SCARB1: variants seen among roughly 807,000 people sequenced by gnomAD.
SCARB1 encodes the protein scavenger receptor class B member 1, also known as CD36 and LIMPII analogous 1.
In SCARB1, 30 loss-of-function variants were observed where a neutral mutation model predicts 57.2. The observed-to-expected ratio is 0.52, with a 90% CI of 0.39 to 0.71. The LOEUF (loss-of-function observed/expected upper bound fraction) is 0.71, where lower values mean the gene tolerates loss of function less well. SCARB1 is among the 30% of genes least tolerant of loss of function. SCARB1 has a pLI of 0.00. For missense variants in SCARB1, 543 were observed against 671.2 expected (o/e 0.81, Z 2.11); for synonymous variants, 249 against 268.3 (o/e 0.93, Z 0.70).
At position 124,803,689 on chromosome 12, in the gene SCARB1, CAAAAAAAAAAAA is replaced by C. The variant is rs58564503; in HGVS notation, c.1010-3459_1010-3448del. 2.6e-3 allele frequency among the ~76,000 whole-genome samples: 126 copies of C among 47,702 alleles called. 1 individual carries two copies. The highest frequency in any genetic ancestry group is 5.6e-3 in the African/African-American group (118 of 21,072). The allele number at this position is 47,702 out of a possible 152,430, so 31.3% of individuals were successfully genotyped here. On this transcript the variant is annotated intron_variant, in intron 7 of 12. Transcript: ENST00000261693. ...GCAAGACGGCACAACCCCACCTCTA[CAAAAAAAAAAAA>C]AAAAAAAAAAAAAATTGAAATAAGA...
At chr12:124,856,805 G>A (rs538541503) in intron 1 of SCARB1, among the ~76,000 whole-genome samples, 66 of 152,340 alleles carry the variant, frequency 4.3e-4, no homozygotes, top group Non-Finnish European at 8.7e-4. Context: ...GGATGGGTGG[G>A]AGTCCAGCCC....
At chr12:124,831,167 C>T (rs1393331928) in intron 1 of SCARB1, among the ~76,000 whole-genome samples, 5 of 152,196 alleles carry the variant, frequency 3.3e-5, no homozygotes, top group African/African-American at 1.2e-4. Context: ...TAAGTAGAGA[C>T]GGGGTTTTGC....
chr12:124,840,456 G>A (rs748844646), intron 1 of SCARB1, among the ~76,000 whole-genome samples: 3 of 152,248 alleles, frequency 2.0e-5, no homozygotes, highest in Non-Finnish European at 2.9e-5. Flanking sequence ...GATTACAGGC[G>A]TGAGCCACCG....
chr12:124,815,629 G>T lies in SCARB1; in HGVS notation c.285-515C>A, dbSNP rs536512400. Among the ~76,000 whole-genome samples the T allele has an allele frequency of 7.2e-5, 11 of 152,316 alleles. No individual in the cohort carries two copies. The East Asian group carries it at 2.1e-3, about 29-fold the overall frequency. The stretch of plus-strand genomic sequence containing the variant: ...GCCTGTAAACCCAGCACTTTGGGAG[G>T]CTGAGGTGGGCAGATCACCTGATGT... On this transcript the variant is annotated intron_variant, in intron 2 of 12. Transcript: ENST00000261693.
intron 9 of SCARB1, among the ~76,000 whole-genome samples, chr12:124,792,721 C>CAAAAAAAAA (rs930596389): frequency 3.2e-5 from 1 of 31,720 alleles, no homozygotes; most frequent in Non-Finnish European, 7.1e-5. Flanking sequence ...GACTTCGTCT[C>CAAAAAAAAA]AAAAAAAAAA....
Position 124,800,239 on chromosome 12 carries a change from G to T in SCARB1, c.1013C>A (p.Ala338Asp). 6.2e-7 allele frequency: 1 copy of T among 1,610,234 alleles called. No homozygotes were observed. The change falls in exon 8 of 13, where the codon GCC becomes GAC. Residue 338 changes from alanine (A) to aspartate (D), a missense_variant. Ala to Asp is a moderately radical substitution (Grantham distance 126, BLOSUM62 -2). Transcript: ENST00000261693. The surrounding 1 kb of genome is among the most constrained non-coding windows in gnomAD (Gnocchi z 4.8). Reference protein sequence around the residue: ...IQNVSTCRFSAPLFLSHPHFL... With the variant: ...IQNVSTCRFSDPLFLSHPHFL... ...GTGAGGATGGGAGAGAAACAAGGGG[G>T]CACCTAGAAGAGGGGCAGGGAGGGG... is the stretch of plus-strand genomic sequence containing the variant.
At chr12:124,786,059 TTGA>T (rs1949501200) in intron 11 of SCARB1, 1 of 1,518,774 alleles carries the variant, frequency 6.6e-7, no homozygotes. Context: ...GGGTGCTGAC[TTGA>T]TGAATGGATG....
intron 1 of SCARB1, chr12:124,839,096 T>C: frequency 2.6e-6 from 1 of 386,758 alleles, no homozygotes; most frequent in South Asian, 1.9e-5. Flanking sequence ...TTTTTAAGTG[T>C]ACAGTTCAGT....
intron 1 of SCARB1, among the ~76,000 whole-genome samples, chr12:124,831,056 A>T (rs1594328786): frequency 6.6e-6 from 1 of 151,260 alleles, no homozygotes; most frequent in African/African-American, 2.4e-5. Flanking sequence ...GCTCACTGCA[A>T]CCTCTGCCTC....
chr12:124,816,498 G>A (rs530274640), intron 2 of SCARB1, among the ~76,000 whole-genome samples: 6 of 152,344 alleles, frequency 3.9e-5, no homozygotes, highest in Middle Eastern at 6.8e-3. Flanking sequence ...GAATGCAGCA[G>A]CTGATTCATG....
rs750434304 is a variant in SCARB1 at position 124,795,215 on chromosome 12, C to T, written c.1182G>A (p.Met394Ile). The change falls in exon 9 of 13, where the codon ATG (methionine) becomes ATA (isoleucine). Residue 394 changes from methionine to isoleucine, a missense_variant. By Grantham distance (10) the Met-to-Ile change is conservative. Transcript: ENST00000261693. The part of the protein sequence containing the change: ...CSVKLQLSLY[M>I]KSVAGIGQTG... ...CTCACCCAATGCCTGCGACAGATTT[C>T]ATGTAGAGGCTCAGCTGCAGTTTCA... is the stretch of plus-strand genomic sequence containing the variant. 1.9e-6 allele frequency: 3 copies of T among 1,613,966 alleles called. No homozygotes were observed. The highest frequency in any genetic ancestry group is 8.5e-7 in the Non-Finnish European group (1 of 1,179,876).
intron 7 of SCARB1, among the ~76,000 whole-genome samples, chr12:124,805,101 A>G (rs541913439): frequency 4.7e-4 from 72 of 152,260 alleles, no homozygotes; most frequent in African/African-American, 1.7e-3. Flanking sequence ...TCAGGGAGCA[A>G]TGAGCACCAA....
chr12:124,800,300 C>CAAT lies in SCARB1; in HGVS notation c.1010-59_1010-58insATT. 5 of 1,350,856 alleles carry CAAT rather than the reference C, an allele frequency of 3.7e-6. No homozygotes were observed. The highest frequency in any genetic ancestry group is 5.3e-6 in the Non-Finnish European group (5 of 947,402). The allele number at this position is 1,350,856 out of a possible 1,614,324, so 83.7% of individuals were successfully genotyped here. On this transcript the variant is annotated intron_variant, in intron 7 of 12. Transcript: ENST00000261693. This position sits in a 1 kb window ranked among gnomAD's most constrained non-coding sequence, Gnocchi z 4.8. ...AGGACAGTATATTGGCAGGTCCTGC[C>CAAT]AGGCCGGAGGTCTGCACAGAGCTGT... is the stretch of plus-strand genomic sequence containing the variant.
intron 1 of SCARB1, among the ~76,000 whole-genome samples, chr12:124,830,220 G>C (rs1951331738): frequency 6.6e-6 from 1 of 152,230 alleles, no homozygotes; most frequent in Non-Finnish European, 1.5e-5. Context: ...AGGATGTGGA[G>C]CAGCCAGAGT....
intron 7 of SCARB1, among the ~76,000 whole-genome samples, chr12:124,801,877 G>A (rs182762257): frequency 2.5e-3 from 364 of 147,836 alleles, no homozygotes; most frequent in African/African-American, 8.5e-3. Context: ...AGGGCCGGGC[G>A]CGGTGGCTCA....
chr12:124,825,791 CAGA>C (rs1951134450), intron 1 of SCARB1, among the ~76,000 whole-genome samples: 1 of 152,192 alleles, frequency 6.6e-6, no homozygotes, highest in Non-Finnish European at 1.5e-5. Context: ...AGAATCTTGA[CAGA>C]AGGACAAATA....
intron 7 of SCARB1, among the ~76,000 whole-genome samples, chr12:124,802,949 G>A (rs1331424618): frequency 6.6e-6 from 1 of 152,200 alleles, no homozygotes; most frequent in African/African-American, 2.4e-5. Context: ...CACGGTCACG[G>A]TCGAAAAACA....
chr12:124,799,256 G>A (rs777176514), intron 8 of SCARB1, among the ~76,000 whole-genome samples: 5 of 152,254 alleles, frequency 3.3e-5, no homozygotes, highest in East Asian at 1.9e-4. Flanking sequence ...TGGGCACGGC[G>A]GTTCATGCCT....
Position 124,800,926 on chromosome 12 carries a change from G to A in SCARB1, c.1010-684C>T, listed in dbSNP as rs1950108426. Among the ~76,000 whole-genome samples the A allele has an allele frequency of 6.6e-6, 1 of 152,168 alleles. No homozygotes were observed. ...CGGGCCTCTCTCAAAAGCTCACGAG[G>A]GCCAGGCGCCATGGCTTACACCTGT... On this transcript the variant is annotated intron_variant, in intron 7 of 12. Transcript: ENST00000261693. The surrounding 1 kb of genome is among the most constrained non-coding windows in gnomAD (Gnocchi z 4.8).
Sources: allele counts gnomAD v4.1 joint callset (sites outside exome capture counted in the v4.1 genomes callset), GRCh38; gene constraint gnomAD v4.1.1; non-coding constraint Gnocchi (gnomAD v3.1); transcripts MANE v1.5; gene names NCBI Gene and HGNC (gene_info 2026-07-23, HGNC 2026-07-21).